FLRT2: variants seen among roughly 807,000 people sequenced by gnomAD.
The protein encoded by FLRT2 is fibronectin leucine rich transmembrane protein 2, also known as leucine-rich repeat transmembrane protein FLRT2.
FLRT2 carries 15 observed loss-of-function variants against 40.0 expected under a neutral mutation model. That is an observed-to-expected ratio of 0.38 (90% CI 0.25 to 0.58). The LOEUF (loss-of-function observed/expected upper bound fraction) is 0.58. Among genes scored for constraint, FLRT2 ranks in the 20% least tolerant of loss-of-function variants. FLRT2 has a pLI of 0.71. For missense variants in FLRT2, 726 were observed against 840.0 expected, an observed-to-expected ratio of 0.86 and a Z score of 1.68; for synonymous variants, 380 against 336.8, an observed-to-expected ratio of 1.13 and a Z score of -1.41.
chr14:85,579,308 T>C (rs1891283598), intron 1 of FLRT2, among the ~76,000 whole-genome samples: 1 of 152,152 alleles, frequency 6.6e-6, no homozygotes, highest in Admixed American at 6.5e-5. Context: ...GAAATGTGTG[T>C]CTTCTCTTGG....
At chr14:85,599,403 A>G (rs1413045586) in intron 1 of FLRT2, among the ~76,000 whole-genome samples, 3 of 152,024 alleles carry the variant, frequency 2.0e-5, no homozygotes, top group African/African-American at 7.2e-5. Flanking sequence ...AAGATACAAC[A>G]TATTTCTCTT....
chr14:85,580,981 A>C (rs1318363694), intron 1 of FLRT2, among the ~76,000 whole-genome samples: 4 of 152,186 alleles, frequency 2.6e-5, no homozygotes, highest in Non-Finnish European at 5.9e-5. Flanking sequence ...GTCCATAGTG[A>C]TGATTCAGGT....
rs142772729 is a variant in FLRT2, at chr14:85,621,713, G to T, written c.199G>T (p.Val67Leu). ...TCTTGGGATCCCGGAGGGCGTAACT[G>T]TACTCTACCTCCACAACAACCAAAT... ...VPLGIPEGVT[V>L]LYLHNNQINN... Residue 67 changes from valine to leucine, a missense_variant, in exon 2 of 2, where the codon GTA (valine) becomes TTA (leucine). By Grantham distance (32) the Val-to-Leu change is conservative. Coordinates refer to ENST00000330753, the MANE Select transcript of FLRT2 (RefSeq NM_013231.6). The T allele has an allele frequency of 6.2e-7, 1 of 1,613,948 alleles. No individual in the cohort carries two copies. The highest frequency in any genetic ancestry group is 1.7e-5 in the Admixed American group (1 of 59,984).
At position 85,622,759 on chromosome 14, in the gene FLRT2, AAG is replaced by A; in HGVS notation, c.1248_1249del (p.Arg416SerfsTer7). On this transcript the variant is annotated frameshift_variant, in exon 2 of 2. Coordinates refer to ENST00000330753, the MANE Select transcript of FLRT2 (RefSeq NM_013231.6). LOFTEE classifies it high-confidence loss of function. ...CGATTCCTGACTGGGATGGCAGAGA[AAG>A]AGTGACCCCACCTATTTCTGAACGG... ...PTIPDWDGRE[R>X]VTPPISERIQ... 1 of 1,614,154 alleles carries A rather than the reference AAG, an allele frequency of 6.2e-7. No individual in the cohort carries two copies. The highest frequency in any genetic ancestry group is 8.5e-7 in the Non-Finnish European group (1 of 1,180,026).
rs1894031100 is a variant in FLRT2, at chr14:85,637,211, A to G, written c.*13714A>G. The G allele has an allele frequency of 6.6e-6, 1 of 152,174 alleles. No individual in the cohort carries two copies. The highest frequency in any genetic ancestry group is 2.1e-4 in the South Asian group (1 of 4,830). The allele number at this position is 152,174 out of a possible 1,614,324, so 9.4% of individuals were successfully genotyped here. A position where few individuals can be genotyped will look rare whatever the true frequency, so the allele number is the denominator to read the frequency against. On this transcript the variant is annotated 3_prime_UTR_variant, in exon 2 of 2. Transcript: ENST00000330753. ...TTCATCTAGACAAAGAAGTTATTAA[A>G]AGCATTAACAAGTAGTTGAAAATAT...
intron 1 of FLRT2, among the ~76,000 whole-genome samples, chr14:85,534,214 C>T (rs974123029): frequency 1.3e-5 from 2 of 152,154 alleles, no homozygotes; most frequent in African/African-American, 4.8e-5. Flanking sequence ...AACCCTCAGC[C>T]CCAGCTGGTG....
chr14:85,613,029 T>G (rs954944904), intron 1 of FLRT2, among the ~76,000 whole-genome samples: 1 of 152,160 alleles, frequency 6.6e-6, no homozygotes, highest in Non-Finnish European at 1.5e-5. Context: ...TTTCATAAGC[T>G]TTTTTATAGC....
rs1893747577 is a variant in FLRT2, at chr14:85,627,678, T to C, written c.*4181T>C. On this transcript the variant is annotated 3_prime_UTR_variant, in exon 2 of 2. Transcript: ENST00000330753. ...GGCAAGGTGAAGGCATTGCCAAGTG[T>C]GTGTCGCTCATAGGACTAGTGTATA... 1 of 167,066 alleles carries C rather than the reference T, an allele frequency of 6.0e-6. No homozygotes were observed. Among genetic ancestry groups the C allele is most frequent in the Non-Finnish European group, 1.5e-5 (1 of 68,128 alleles). The allele number at this position is 167,066 out of a possible 1,614,324, so 10.3% of individuals were successfully genotyped here.
Position 85,621,462 on chromosome 14 carries a change from T to TTTTTTC in FLRT2, c.-40_-35dup, listed in dbSNP as rs1249829742. 6.7e-7 allele frequency: 1 copy of TTTTTTC among 1,499,946 alleles called. No individual in the cohort carries two copies. Among genetic ancestry groups the TTTTTTC allele is most frequent in the Non-Finnish European group, 9.0e-7 (1 of 1,116,206 alleles). 92.9% of individuals were successfully genotyped at this position (1,499,946 alleles called of 1,614,324 possible). A position where few individuals can be genotyped will look rare whatever the true frequency, so the allele number is the denominator to read the frequency against. On this transcript the variant is annotated 5_prime_UTR_variant, in exon 2 of 2. Transcript: ENST00000330753. ...TCATTTTGATTTTGCTGTTTATTTT[T>TTTTTTC]TTTTTCTTTTTCTTTTTCCCACCAC...
Position 85,631,290 on chromosome 14 carries a change from C to T in FLRT2, c.*7793C>T, listed in dbSNP as rs1250836339. 1 of 151,586 alleles carries T rather than the reference C, an allele frequency of 6.6e-6. No homozygotes were observed. The highest frequency in any genetic ancestry group is 1.9e-4 in the East Asian group (1 of 5,164). The allele number at this position is 151,586 out of a possible 1,614,324, so 9.4% of individuals were successfully genotyped here. Reference sequence around the variant, plus strand: ...AAGTCAAAGACCTCTCTTCCAAAGCCGCTGGAATCACACCTGCCAATTATC... The same window carrying T: ...AAGTCAAAGACCTCTCTTCCAAAGCTGCTGGAATCACACCTGCCAATTATC... On this transcript the variant is annotated 3_prime_UTR_variant, in exon 2 of 2. Transcript: ENST00000330753.
intron 1 of FLRT2, among the ~76,000 whole-genome samples, chr14:85,581,316 C>T (rs868141049): frequency 1.3e-5 from 2 of 152,210 alleles, no homozygotes; most frequent in Non-Finnish European, 2.9e-5. Context: ...GCAAGCAGTG[C>T]TCTGAATGAC....
intron 1 of FLRT2, among the ~76,000 whole-genome samples, chr14:85,540,209 A>G (rs149900266): frequency 6.6e-6 from 1 of 152,336 alleles, no homozygotes; most frequent in African/African-American, 2.4e-5. Context: ...TTGTTTTGCA[A>G]AATAAGGCAG....
In FLRT2 at chr14:85,632,256, G is replaced by C. The variant is rs1158603130; in HGVS notation, c.*8759G>C. 1 of 152,008 alleles carries C rather than the reference G, an allele frequency of 6.6e-6. No homozygotes were observed. Among genetic ancestry groups the C allele is most frequent in the African/African-American group, 2.4e-5 (1 of 41,366 alleles). The allele number at this position is 152,008 out of a possible 1,614,324, so 9.4% of individuals were successfully genotyped here. Reference sequence around the variant, plus strand: ...GGAGGCCGAGGTGGGCAGATCACGAGGTCAAGAAATCAAGACCATCCTGGC... The same window carrying C: ...GGAGGCCGAGGTGGGCAGATCACGACGTCAAGAAATCAAGACCATCCTGGC... On this transcript the variant is annotated 3_prime_UTR_variant, in exon 2 of 2. Coordinates refer to ENST00000330753, the MANE Select transcript of FLRT2 (RefSeq NM_013231.6).
At position 85,653,932 on chromosome 14, in the gene FLRT2, A is replaced by G. The variant is rs142186127; in HGVS notation, c.*30435A>G. The G allele has an allele frequency of 2.5e-4, 38 of 152,324 alleles. No individual in the cohort carries two copies. The highest frequency in any genetic ancestry group is 5.1e-4 in the Non-Finnish European group (35 of 68,014). 9.4% of individuals were successfully genotyped at this position (152,324 alleles called of 1,614,324 possible). On this transcript the variant is annotated 3_prime_UTR_variant, in exon 2 of 2. Coordinates refer to ENST00000330753, the MANE Select transcript of FLRT2 (RefSeq NM_013231.6). ...GTACAAAGAAACTGTAGCTATAATT[A>G]TCTTTCTTGACACTAACAGTACATG...
intron 1 of FLRT2, among the ~76,000 whole-genome samples, chr14:85,565,617 A>G (rs1242118702): frequency 6.6e-6 from 1 of 152,236 alleles, no homozygotes; most frequent in African/African-American, 2.4e-5. Flanking sequence ...ATTAAGATAT[A>G]TAAGCTTCTT....
intron 1 of FLRT2, among the ~76,000 whole-genome samples, chr14:85,601,238 A>G (rs771194323): frequency 7.2e-5 from 11 of 152,242 alleles, no homozygotes; most frequent in Admixed American, 3.3e-4. Context: ...TGCCCTGGGC[A>G]GGCGGTAAAC....
intron 1 of FLRT2, among the ~76,000 whole-genome samples, chr14:85,567,374 C>A (rs1890671757): frequency 6.6e-6 from 1 of 152,170 alleles, no homozygotes; most frequent in Non-Finnish European, 1.5e-5. Flanking sequence ...AAAGCATACA[C>A]TCTGTGTTTG....
intron 1 of FLRT2, among the ~76,000 whole-genome samples, chr14:85,587,303 A>AAAG (rs71120523): frequency 0.28 from 41,052 of 147,366 alleles, 6,478 homozygotes; most frequent in Admixed American, 0.4. Context: ...AAAAAAAAAA[A>AAAG]AAGAAGAAAG....
At chr14:85,564,525 A>G (rs1053016468) in intron 1 of FLRT2, among the ~76,000 whole-genome samples, 2 of 152,204 alleles carry the variant, frequency 1.3e-5, no homozygotes, top group African/African-American at 4.8e-5. Context: ...ATTGTTCCAA[A>G]TGTATTCGTG....
Sources: allele counts gnomAD v4.1 joint callset (sites outside exome capture counted in the v4.1 genomes callset), GRCh38; gene constraint gnomAD v4.1.1; transcripts MANE v1.5; gene names NCBI Gene and HGNC (gene_info 2026-07-23, HGNC 2026-07-21).